Variants in SLC1A2 observed in about 807,000 individuals in gnomAD.
SLC1A2 encodes the protein excitatory amino acid transporter 2.
In SLC1A2, 15 loss-of-function variants were observed where a neutral mutation model predicts 48.8. The observed-to-expected ratio is 0.31, with a 90% CI of 0.21 to 0.47. SLC1A2 has a LOEUF of 0.47. Ranked by LOEUF, SLC1A2 falls within the 20% of genes least tolerant of loss-of-function variation. The probability of loss-of-function intolerance (pLI) is 0.99; values close to 1 mark genes in which losing one functional copy is unlikely to be tolerated. For missense variants in SLC1A2, 502 were observed against 730.5 expected, an observed-to-expected ratio of 0.69 and a Z score of 3.61; for synonymous variants, 279 against 272.6, an observed-to-expected ratio of 1.02 and a Z score of -0.23.
At chr11:35,340,414 G>A (rs1327067034) in intron 1 of SLC1A2, among the ~76,000 whole-genome samples, 1 of 152,202 alleles carries the variant, frequency 6.6e-6, no homozygotes, top group Non-Finnish European at 1.5e-5. Context: ...ATCTGCTTTA[G>A]TATAGTCAGT....
intron 9 of SLC1A2, among the ~76,000 whole-genome samples, chr11:35,275,172 T>G (rs1424138950): frequency 1.3e-5 from 2 of 152,196 alleles, no homozygotes; most frequent in African/African-American, 4.8e-5. Context: ...TGGGAGGAGC[T>G]TCAGAGCCCT....
chr11:35,371,601 T>G (rs1854066172), intron 1 of SLC1A2, among the ~76,000 whole-genome samples: 1 of 152,214 alleles, frequency 6.6e-6, no homozygotes, highest in Admixed American at 6.5e-5. Context: ...TTTAATGTTT[T>G]TAGGAGTAGG....
At chr11:35,401,391 T>C (rs1855135651) in intron 1 of SLC1A2, among the ~76,000 whole-genome samples, 1 of 152,242 alleles carries the variant, frequency 6.6e-6, no homozygotes, top group African/African-American at 2.4e-5. Flanking sequence ...GGGCCTGTTA[T>C]CCGTCATGTT....
At chr11:35,284,087 T>TATA (rs1850729531) in intron 8 of SLC1A2, among the ~76,000 whole-genome samples, 14 of 115,862 alleles carry the variant, frequency 1.2e-4, no homozygotes, top group African/African-American at 4.3e-4. Context: ...GAAGATTTTA[T>TATA]TATATATATA....
chr11:35,309,600 C>T (rs367574455), intron 4 of SLC1A2, among the ~76,000 whole-genome samples: 44 of 152,296 alleles, frequency 2.9e-4, no homozygotes, highest in Middle Eastern at 3.4e-3. Flanking sequence ...CTCCACTCTG[C>T]GGGGAGCTCA....
At chr11:35,364,444 A>G (rs1427285447) in intron 1 of SLC1A2, among the ~76,000 whole-genome samples, 1 of 152,226 alleles carries the variant, frequency 6.6e-6, no homozygotes, top group Non-Finnish European at 1.5e-5. Flanking sequence ...AGAAAAGTTC[A>G]TTTACCCAGT....
chr11:35,374,515 G>A (rs1411540454), intron 1 of SLC1A2: 3 of 246,230 alleles, frequency 1.2e-5, no homozygotes, highest in African/African-American at 6.9e-5. Flanking sequence ...GGCCATATTG[G>A]AAGAAGAAAC....
chr11:35,335,769 C>G (rs4237664), intron 1 of SLC1A2, among the ~76,000 whole-genome samples: 33,574 of 151,902 alleles, frequency 0.22, 3,817 homozygotes, highest in Middle Eastern at 0.28. Flanking sequence ...TCAAGACCAA[C>G]CTGAGCAACA....
chr11:35,365,493 C>T (rs1400748047), intron 1 of SLC1A2, among the ~76,000 whole-genome samples: 1 of 152,144 alleles, frequency 6.6e-6, no homozygotes, highest in Non-Finnish European at 1.5e-5. Context: ...CAAACCAACA[C>T]AGAACCAAAG....
Position 35,255,259 on chromosome 11 carries a change from T to C in SLC1A2, c.*5635A>G. 6.0e-6 allele frequency: 1 copy of C among 166,790 alleles called. No individual in the cohort carries two copies. The highest frequency in any genetic ancestry group is 1.3e-5 in the Non-Finnish European group (1 of 76,794). 10.3% of individuals were successfully genotyped at this position (166,790 alleles called of 1,614,324 possible). A position where few individuals can be genotyped will look rare whatever the true frequency, so the allele number is the denominator to read the frequency against. ...CAGTGCCAGAAAGTGCAAGAGGTTG[T>C]TTAAAGATCATGGCTGGTGACATGG... On this transcript the variant is annotated 3_prime_UTR_variant, in exon 11 of 11. Transcript: ENST00000278379.
intron 1 of SLC1A2, among the ~76,000 whole-genome samples, chr11:35,389,971 G>T (rs1440802005): frequency 6.6e-6 from 1 of 152,222 alleles, no homozygotes; most frequent in Non-Finnish European, 1.5e-5. Context: ...TCTGTAAAAT[G>T]AGCATGCTTT....
At chr11:35,384,780 C>G (rs1854533861) in intron 1 of SLC1A2, among the ~76,000 whole-genome samples, 1 of 152,152 alleles carries the variant, frequency 6.6e-6, no homozygotes, top group Non-Finnish European at 1.5e-5. Context: ...GACTTTGAAC[C>G]ATAGAATTTG....
At chr11:35,308,385 C>A (rs1400055876) in intron 4 of SLC1A2, among the ~76,000 whole-genome samples, 1 of 152,196 alleles carries the variant, frequency 6.6e-6, no homozygotes, top group East Asian at 1.9e-4. Flanking sequence ...GTTCCTGATT[C>A]ACAGAAGCTG....
intron 1 of SLC1A2, among the ~76,000 whole-genome samples, chr11:35,338,783 G>A (rs1298846765): frequency 6.6e-6 from 1 of 152,170 alleles, no homozygotes; most frequent in African/African-American, 2.4e-5. Context: ...ACTAAGGTAG[G>A]CTTCCCTCAC....
chr11:35,356,731 A>T (rs1648124045), intron 1 of SLC1A2, among the ~76,000 whole-genome samples: 1 of 152,252 alleles, frequency 6.6e-6, no homozygotes, highest in South Asian at 2.1e-4. Flanking sequence ...CTGACAATTT[A>T]GAGAGAATAT....
At chr11:35,360,353 C>T (rs149921764) in intron 1 of SLC1A2, among the ~76,000 whole-genome samples, 9 of 152,188 alleles carry the variant, frequency 5.9e-5, no homozygotes, top group Non-Finnish European at 1.3e-4. Context: ...TTCCCTCCCA[C>T]GTTTTGTGAA....
intron 10 of SLC1A2, 48 bp from the exon 11 acceptor site, chr11:35,261,013 A>G (rs760036123): frequency 7.1e-7 from 1 of 1,416,644 alleles, no homozygotes; most frequent in South Asian, 1.1e-5. Context: ...ACGAACCAGA[A>G]AAAAGCCCTG....
At chr11:35,401,342 G>C (rs920066535) in intron 1 of SLC1A2, among the ~76,000 whole-genome samples, 1 of 152,130 alleles carries the variant, frequency 6.6e-6, no homozygotes, top group Non-Finnish European at 1.5e-5. Flanking sequence ...AAAATATGTT[G>C]AAAATATATT....
chr11:35,308,262 C>T (rs3794086), intron 4 of SLC1A2, among the ~76,000 whole-genome samples: 15 of 151,908 alleles, frequency 9.9e-5, no homozygotes, highest in Admixed American at 2.0e-4. Flanking sequence ...AAGCAGGATT[C>T]GAGATGAGTT....
Sources: gnomAD v4.1 joint callset for allele counts (sites outside exome capture counted in the v4.1 genomes callset) on GRCh38, gnomAD v4.1.1 for gene constraint, MANE v1.5 for transcripts, NCBI Gene and HGNC (gene_info 2026-07-23, HGNC 2026-07-21) for gene names.